The following ZCCHC7 variants were observed in gnomAD, a reference collection of about 807,000 sequenced individuals.
ZCCHC7 encodes the protein zinc finger CCHC-type containing 7.
In ZCCHC7, 35 loss-of-function variants were observed where a neutral mutation model predicts 52.0. The observed-to-expected ratio is 0.67, with a 90% CI of 0.51 to 0.89. ZCCHC7 has a LOEUF of 0.89. Ranked by LOEUF, ZCCHC7 falls within the 40% of genes least tolerant of loss-of-function variation. The pLI is 0.00. For missense variants in ZCCHC7, 574 were observed against 649.1 expected (o/e 0.88, Z 1.26); for synonymous variants, 217 against 221.5 (o/e 0.98, Z 0.18).
intron 2 of ZCCHC7, among the ~76,000 whole-genome samples, chr9:37,257,337 T>G (rs1296043507): frequency 1.3e-5 from 2 of 152,234 alleles, no homozygotes; most frequent in African/African-American, 4.8e-5. Context: ...CAGAGAGGTT[T>G]CTTGCATCTG....
At chr9:37,234,978 T>C (rs1825575101) in intron 2 of ZCCHC7, among the ~76,000 whole-genome samples, 1 of 152,200 alleles carries the variant, frequency 6.6e-6, no homozygotes, top group South Asian at 2.1e-4. Flanking sequence ...ATTCAATTCA[T>C]ATTTGTGGGG....
intron 2 of ZCCHC7, among the ~76,000 whole-genome samples, chr9:37,259,232 A>T (rs942550147): frequency 6.6e-6 from 1 of 152,266 alleles, no homozygotes; most frequent in South Asian, 2.1e-4. Context: ...TTCCTTTGGG[A>T]AGAAAAACAT....
At chr9:37,350,610 C>G (rs943565338) in intron 7 of ZCCHC7, among the ~76,000 whole-genome samples, 2 of 152,202 alleles carry the variant, frequency 1.3e-5, no homozygotes, top group Non-Finnish European at 2.9e-5. Flanking sequence ...ATTCCCTAAC[C>G]CCAGCTGAAA....
At chr9:37,307,166 A>C (rs1282392027) in intron 5 of ZCCHC7, among the ~76,000 whole-genome samples, 2 of 152,140 alleles carry the variant, frequency 1.3e-5, no homozygotes, top group Non-Finnish European at 2.9e-5. Flanking sequence ...AAATTGCAGC[A>C]TATTAAAAAT....
intron 1 of ZCCHC7, among the ~76,000 whole-genome samples, chr9:37,124,172 A>G (rs1373418116): frequency 1.3e-5 from 2 of 152,134 alleles, no homozygotes; most frequent in Non-Finnish European, 2.9e-5. Context: ...GGAAGAAAGA[A>G]TAAATAGGCA....
chr9:37,318,693 A>G (rs1201107977), intron 5 of ZCCHC7, among the ~76,000 whole-genome samples: 1 of 152,016 alleles, frequency 6.6e-6, no homozygotes, highest in Non-Finnish European at 1.5e-5. Flanking sequence ...CGGGCAGATC[A>G]CTTAAGGTCA....
intron 2 of ZCCHC7, among the ~76,000 whole-genome samples, chr9:37,128,928 A>G (rs571013095): frequency 5.3e-5 from 8 of 152,188 alleles, no homozygotes; most frequent in Non-Finnish European, 1.2e-4. Flanking sequence ...CTTTCTCTAA[A>G]TTACCTTTTC....
chr9:37,224,608 C>G (rs1042530145), intron 2 of ZCCHC7, among the ~76,000 whole-genome samples: 1 of 152,140 alleles, frequency 6.6e-6, no homozygotes, highest in Admixed American at 6.6e-5. Flanking sequence ...TGCCTAGAGA[C>G]AGTTTTGGTA....
intron 2 of ZCCHC7, among the ~76,000 whole-genome samples, chr9:37,162,801 G>A (rs932632111): frequency 6.6e-6 from 1 of 152,194 alleles, no homozygotes; most frequent in Non-Finnish European, 1.5e-5. Flanking sequence ...GGCCAGGTGC[G>A]ATGGCTCATG....
intron 2 of ZCCHC7, among the ~76,000 whole-genome samples, chr9:37,231,542 T>G (rs1199559808): frequency 1.3e-5 from 2 of 152,222 alleles, no homozygotes; most frequent in Non-Finnish European, 2.9e-5. Context: ...TTCCTGAAAA[T>G]TATACATAGT....
In ZCCHC7 at chr9:37,349,259, C is replaced by T. The variant is rs1308801785; in HGVS notation, c.988-98C>T. ...GGTCTCCATACAAAACTCTAAGAAA[C>T]TTCTAAGGAATCCCTTACCTATAAA... On this transcript the variant is annotated intron_variant, in intron 6 of 8. Coordinates refer to ENST00000336755, the MANE Select transcript of ZCCHC7 (RefSeq NM_032226.3). 17 of 1,218,490 alleles carry T rather than the reference C, an allele frequency of 1.4e-5. No homozygotes were observed. The East Asian group carries it at 2.6e-4, about 19-fold the overall frequency. The allele number at this position is 1,218,490 out of a possible 1,614,324, so 75.5% of individuals were successfully genotyped here.
chr9:37,284,598 TA>T (rs3842216), intron 2 of ZCCHC7, among the ~76,000 whole-genome samples: 73,238 of 151,050 alleles, frequency 0.48, 17,929 homozygotes, highest in Non-Finnish European at 0.53. Context: ...TTTAAATGGT[TA>T]AAAAAAAAAT....
At chr9:37,264,359 G>A (rs954426650) in intron 2 of ZCCHC7, among the ~76,000 whole-genome samples, 1 of 152,146 alleles carries the variant, frequency 6.6e-6, no homozygotes, top group South Asian at 2.1e-4. Context: ...TACAGTGTCT[G>A]TTAAACCAGA....
rs138102651 is a variant in ZCCHC7, at chr9:37,208,230, G to A, written c.610+81288G>A. ...CCCTCGAATAGCTGAGATTACAGGC[G>A]TGCACCACCACACGCGGCTAATTTT... is the stretch of plus-strand genomic sequence containing the variant. On this transcript the variant is annotated intron_variant, in intron 2 of 8. Coordinates refer to ENST00000336755, the MANE Select transcript of ZCCHC7 (RefSeq NM_032226.3). 1.9e-4 allele frequency among the ~76,000 whole-genome samples: 29 copies of A among 152,194 alleles called. No homozygotes were observed. In the East Asian group the frequency reaches 5.2e-3, roughly 27 times the overall value.
intron 2 of ZCCHC7, among the ~76,000 whole-genome samples, chr9:37,277,957 A>G (rs1827758789): frequency 6.6e-6 from 1 of 152,158 alleles, no homozygotes; most frequent in Admixed American, 6.6e-5. Context: ...ACCAAGGGAC[A>G]CTATGGGATG....
At chr9:37,177,409 A>G (rs1367674047) in intron 2 of ZCCHC7, among the ~76,000 whole-genome samples, 2 of 152,170 alleles carry the variant, frequency 1.3e-5, no homozygotes, top group Non-Finnish European at 2.9e-5. Context: ...GACTGAGAGT[A>G]ATCACTGTAA....
chr9:37,276,171 T>C (rs1331774575), intron 2 of ZCCHC7, among the ~76,000 whole-genome samples: 1 of 152,220 alleles, frequency 6.6e-6, no homozygotes, highest in Non-Finnish European at 1.5e-5. Context: ...CACTTAGATA[T>C]CCTCTTTTGT....
chr9:37,127,480 G>A (rs1210969933), intron 2 of ZCCHC7, among the ~76,000 whole-genome samples: 1 of 152,164 alleles, frequency 6.6e-6, no homozygotes, highest in African/African-American at 2.4e-5. Flanking sequence ...TAAGTCTAGG[G>A]CAGGTTATAG....
chr9:37,173,289 A>G (rs894255957), intron 2 of ZCCHC7, among the ~76,000 whole-genome samples: 3 of 152,168 alleles, frequency 2.0e-5, no homozygotes, highest in African/African-American at 4.8e-5. Context: ...TTCTCTTTCA[A>G]CCTCTTATGA....
Sources: allele counts gnomAD v4.1 joint callset (sites outside exome capture counted in the v4.1 genomes callset), GRCh38; gene constraint gnomAD v4.1.1; transcripts MANE v1.5; gene names NCBI Gene and HGNC (gene_info 2026-07-23, HGNC 2026-07-21).